CCDC91: variants seen among roughly 807,000 people sequenced by gnomAD.
The protein encoded by CCDC91 is coiled-coil domain containing 91.
In CCDC91, 48 loss-of-function variants were observed where a neutral mutation model predicts 63.2. The ratio of observed to expected loss-of-function variants is 0.76; its 90% confidence interval spans 0.60 to 0.97. CCDC91 has a LOEUF of 0.97. Ranked by LOEUF, CCDC91 falls within the 50% of genes least tolerant of loss-of-function variation. CCDC91 has a pLI of 0.00. For synonymous variants in CCDC91, 167 were observed against 165.8 expected (o/e 1.01, Z -0.06); for missense variants, 500 against 494.6 (o/e 1.01, Z -0.10).
At chr12:28,507,579 C>G (rs1938888925) in intron 12 of CCDC91, among the ~76,000 whole-genome samples, 1 of 152,002 alleles carries the variant, frequency 6.6e-6, no homozygotes, top group East Asian at 1.9e-4. Context: ...CCTTTCCTCC[C>G]TACCCTTGCC....
intron 3 of CCDC91, among the ~76,000 whole-genome samples, chr12:28,265,085 T>G (rs1393594094): frequency 6.6e-6 from 1 of 152,072 alleles, no homozygotes; most frequent in Non-Finnish European, 1.5e-5. Flanking sequence ...ATGTTGCCAT[T>G]GTGTACAATG....
chr12:28,434,594 G>GTTTTT (rs376645678), intron 8 of CCDC91, among the ~76,000 whole-genome samples: 3,407 of 73,402 alleles, frequency 0.046, 7 homozygotes, highest in East Asian at 0.07. Context: ...CCTTGGTCTG[G>GTTTTT]TTTTTTTTTT....
chr12:28,493,629 C>A (rs1952128052), intron 12 of CCDC91, among the ~76,000 whole-genome samples: 1 of 151,692 alleles, frequency 6.6e-6, no homozygotes, highest in Admixed American at 6.6e-5. Flanking sequence ...CACTACCTGG[C>A]TGTCTAACAT....
rs569374022 is a variant in CCDC91, at chr12:28,470,162, G to T, written c.1102-13890G>T. On this transcript the variant is annotated intron_variant, in intron 11 of 12. Transcript: ENST00000536442. ...TGAAGAGACAACCCACAGAATGAGA[G>T]AAAATATTTGCAAACAACCCATCTG... 4.6e-5 allele frequency among the ~76,000 whole-genome samples: 7 copies of T among 152,148 alleles called. No homozygotes were observed. The East Asian group carries it at 1.4e-3, about 29-fold the overall frequency.
At chr12:28,417,171 G>T (rs1380017745) in intron 8 of CCDC91, among the ~76,000 whole-genome samples, 1 of 151,770 alleles carries the variant, frequency 6.6e-6, no homozygotes, top group Non-Finnish European at 1.5e-5. Flanking sequence ...CAAAATGTGT[G>T]GTTATTGGGT....
intron 6 of CCDC91, among the ~76,000 whole-genome samples, chr12:28,358,541 T>G (rs1037136918): frequency 6.6e-6 from 1 of 152,232 alleles, no homozygotes; most frequent in Non-Finnish European, 1.5e-5. Flanking sequence ...GCTCTCAAAT[T>G]GTATTGTCAA....
At chr12:28,322,902 TGATA>T (rs889836835) in intron 6 of CCDC91, among the ~76,000 whole-genome samples, 22 of 151,858 alleles carry the variant, frequency 1.4e-4, no homozygotes, top group Non-Finnish European at 2.9e-4. Flanking sequence ...ATATAACTTT[TGATA>T]TTTTAATTTT....
chr12:28,266,977 A>G (rs1463516675), intron 3 of CCDC91, among the ~76,000 whole-genome samples: 3 of 151,946 alleles, frequency 2.0e-5, no homozygotes, highest in Non-Finnish European at 2.9e-5. Context: ...ACCAGTATAT[A>G]CAATTCTCAT....
At chr12:28,417,620 G>GAGATATATATATAT (rs1555208046) in intron 8 of CCDC91, among the ~76,000 whole-genome samples, 2 of 139,758 alleles carry the variant, frequency 1.4e-5, no homozygotes, top group Admixed American at 7.1e-5. Context: ...GAACCTTTGA[G>GAGATATATATATAT]ATATATATAT....
chr12:28,344,446 A>C (rs1158470694), intron 6 of CCDC91, among the ~76,000 whole-genome samples: 1 of 152,140 alleles, frequency 6.6e-6, no homozygotes, highest in Non-Finnish European at 1.5e-5. Context: ...CATTTCTATG[A>C]ATATTTTACT....
At chr12:28,514,871 T>A (rs538134299) in intron 12 of CCDC91, among the ~76,000 whole-genome samples, 1 of 151,612 alleles carries the variant, frequency 6.6e-6, no homozygotes, top group African/African-American at 2.4e-5. Flanking sequence ...TACTAGAGGG[T>A]AGAGGGTGGG....
intron 1 of CCDC91, among the ~76,000 whole-genome samples, chr12:28,255,047 A>T (rs1026757042): frequency 5.3e-5 from 8 of 152,178 alleles, no homozygotes; most frequent in African/African-American, 1.9e-4. Flanking sequence ...AAGTGCTGGG[A>T]TTACAGGCGT....
intron 12 of CCDC91, among the ~76,000 whole-genome samples, chr12:28,502,632 C>G (rs747280773): frequency 6.6e-6 from 1 of 150,974 alleles, no homozygotes; most frequent in African/African-American, 2.4e-5. Flanking sequence ...CAAGTCAATC[C>G]TAAGCCAAAA....
Position 28,399,217 on chromosome 12 carries a change from C to T in CCDC91, c.762+7806C>T, listed in dbSNP as rs535700685. On this transcript the variant is annotated intron_variant, in intron 8 of 12. Coordinates refer to ENST00000536442, the MANE Select transcript of CCDC91 (RefSeq NM_018318.5). ...CATTTCAGGAAACTTACAATCATAG[C>T]AGAAGGGGAAGCAAACATGTCCTTC... 1.5e-4 allele frequency among the ~76,000 whole-genome samples: 23 copies of T among 152,178 alleles called. 1 individual carries two copies. Among genetic ancestry groups the T allele is most frequent in the Middle Eastern group, 6.8e-3 (2 of 294 alleles).
intron 3 of CCDC91, among the ~76,000 whole-genome samples, chr12:28,293,245 G>A (rs945415878): frequency 6.6e-6 from 1 of 152,110 alleles, no homozygotes; most frequent in African/African-American, 2.4e-5. Context: ...AGAAGTAAGA[G>A]AACTGAAAAT....
At chr12:28,359,782 C>CTTTCTTTTTTTTTTTTTT (rs1565853546) in intron 6 of CCDC91, among the ~76,000 whole-genome samples, 7 of 151,970 alleles carry the variant, frequency 4.6e-5, no homozygotes, top group African/African-American at 1.7e-4. Context: ...CAGAATATTT[C>CTTTCTTTTTTTTTTTTTT]TATTTACTTT....
At chr12:28,545,969 GT>G (rs1942963316) in intron 12 of CCDC91, among the ~76,000 whole-genome samples, 1 of 151,978 alleles carries the variant, frequency 6.6e-6, no homozygotes, top group South Asian at 2.1e-4. Context: ...AGTCATATTT[GT>G]TTTTAATGTA....
At chr12:28,309,381 C>G (rs2137143163) in intron 6 of CCDC91, among the ~76,000 whole-genome samples, 1 of 151,998 alleles carries the variant, frequency 6.6e-6, no homozygotes, top group East Asian at 1.9e-4. Context: ...AAGATAACTT[C>G]TAAGAATATA....
intron 8 of CCDC91, among the ~76,000 whole-genome samples, chr12:28,413,356 C>G (rs1324453369): frequency 6.6e-6 from 1 of 152,096 alleles, no homozygotes; most frequent in Non-Finnish European, 1.5e-5. Context: ...TTAAATGTTC[C>G]TAGCTGCTTC....
Sources: allele counts gnomAD v4.1 joint callset (sites outside exome capture counted in the v4.1 genomes callset), GRCh38; gene constraint gnomAD v4.1.1; transcripts MANE v1.5; gene names NCBI Gene and HGNC (gene_info 2026-07-23, HGNC 2026-07-21).